The following BNC2 variants were observed in gnomAD, a reference collection of about 807,000 sequenced individuals.
The protein encoded by BNC2 is basonuclin zinc finger protein 2, also known as zinc finger protein basonuclin-2.
Under a neutral mutation model 76.3 loss-of-function variants are expected in BNC2, and 20 were observed. The ratio of observed to expected loss-of-function variants is 0.26; its 90% CI spans 0.18 to 0.38. The LOEUF is 0.38. Ranked by LOEUF, BNC2 falls within the 10% of genes least tolerant of loss-of-function variation. The pLI is 1.00. For missense variants in BNC2, 1,382 were observed against 1,399.8 expected (o/e 0.99, Z 0.20); for synonymous variants, 582 against 514.8 (o/e 1.13, Z -1.77).
At chr9:16,715,105 A>G (rs1823959745) in intron 3 of BNC2, among the ~76,000 whole-genome samples, 1 of 152,190 alleles carries the variant, frequency 6.6e-6, no homozygotes, top group Admixed American at 6.5e-5. Flanking sequence ...CTACCGCTTT[A>G]AGGTGAGACG....
At chr9:16,566,739 G>A (rs961152030) in intron 4 of BNC2, among the ~76,000 whole-genome samples, 1 of 152,062 alleles carries the variant, frequency 6.6e-6, no homozygotes, top group Non-Finnish European at 1.5e-5. Flanking sequence ...TATAGAAAAA[G>A]GTGTAGTATA....
At chr9:16,689,142 A>T (rs1260927033) in intron 3 of BNC2, among the ~76,000 whole-genome samples, 1 of 127,836 alleles carries the variant, frequency 7.8e-6, no homozygotes, top group Non-Finnish European at 1.6e-5. Flanking sequence ...ACATACACAC[A>T]CTCTTTGTTT....
At chr9:16,812,583 T>C (rs1005449329) in intron 1 of BNC2, among the ~76,000 whole-genome samples, 3 of 152,194 alleles carry the variant, frequency 2.0e-5, no homozygotes, top group African/African-American at 7.2e-5. Flanking sequence ...GGGGAAGTCA[T>C]TTTTGGAGTG....
At chr9:16,490,311 G>A (rs1284581460) in intron 5 of BNC2, among the ~76,000 whole-genome samples, 2 of 152,268 alleles carry the variant, frequency 1.3e-5, no homozygotes, top group East Asian at 3.9e-4. Context: ...GGAAACCCCT[G>A]ATAAACCCAT....
intron 3 of BNC2, 152 bp downstream of exon 3, chr9:16,727,645 T>C: frequency 1.5e-6 from 1 of 677,496 alleles, no homozygotes; most frequent in South Asian, 2.0e-5. Flanking sequence ...CACATTCCAG[T>C]AACACAGTTA....
chr9:16,632,376 G>T (rs1205418181), intron 3 of BNC2, among the ~76,000 whole-genome samples: 1 of 151,898 alleles, frequency 6.6e-6, no homozygotes, highest in African/African-American at 2.4e-5. Flanking sequence ...AAAAAAACTG[G>T]CATAGCCTTG....
intron 1 of BNC2, among the ~76,000 whole-genome samples, chr9:16,836,823 T>C (rs1399268711): frequency 6.6e-6 from 1 of 152,092 alleles, no homozygotes; most frequent in Non-Finnish European, 1.5e-5. Flanking sequence ...GAAAAATATA[T>C]AGGCAAATTA....
At chr9:16,770,501 C>G (rs1014764830) in intron 1 of BNC2, among the ~76,000 whole-genome samples, 1 of 152,122 alleles carries the variant, frequency 6.6e-6, no homozygotes, top group African/African-American at 2.4e-5. Flanking sequence ...CAAAATGACC[C>G]ATATGAATAC....
chr9:16,658,873 A>G (rs192738450), intron 3 of BNC2, among the ~76,000 whole-genome samples: 8 of 152,342 alleles, frequency 5.3e-5, no homozygotes, highest in Non-Finnish European at 1.0e-4. Context: ...CCCTCTAAAA[A>G]GCAATGGCTG....
chr9:16,436,988 G>T lies in BNC2; in HGVS notation c.1206C>A (p.Val402=). Residue 402 remains valine (V), a synonymous_variant, in exon 6 of 7, where the codon GTC becomes GTA. Transcript: ENST00000380672. ...NVEPKTEPAC[V]SPIQNSAPVS... is the part of the protein sequence containing the mutation. Reference sequence around the variant, plus strand: ...CTGGGGCAGAATTCTGAATGGGAGAGACACAGGCTGGCTCGGTTTTGGGCT... The same window carrying T: ...CTGGGGCAGAATTCTGAATGGGAGATACACAGGCTGGCTCGGTTTTGGGCT... The T allele has an allele frequency of 6.2e-7, 1 of 1,614,148 alleles. No individual in the cohort carries two copies. The highest frequency in any genetic ancestry group is 8.5e-7 in the Non-Finnish European group (1 of 1,180,030).
intron 3 of BNC2, among the ~76,000 whole-genome samples, chr9:16,656,652 C>T (rs1821938973): frequency 6.6e-6 from 1 of 152,082 alleles, no homozygotes; most frequent in African/African-American, 2.4e-5. Context: ...CCATGTGGAC[C>T]TTTAGGGTTT....
intron 3 of BNC2, among the ~76,000 whole-genome samples, chr9:16,681,205 C>G (rs573190470): frequency 2.7e-4 from 41 of 151,980 alleles, no homozygotes; most frequent in African/African-American, 7.7e-4. Flanking sequence ...TTCCATGGAC[C>G]GAAACTAAAA....
intron 5 of BNC2, among the ~76,000 whole-genome samples, chr9:16,524,507 G>T (rs1563824232): frequency 6.6e-6 from 1 of 151,854 alleles, no homozygotes; most frequent in African/African-American, 2.4e-5. Context: ...TTTTTGGGGG[G>T]TGATTTCTTA....
chr9:16,667,801 A>C (rs1822345602), intron 3 of BNC2, among the ~76,000 whole-genome samples: 1 of 152,116 alleles, frequency 6.6e-6, no homozygotes, highest in African/African-American at 2.4e-5. Flanking sequence ...GGATACAAGG[A>C]TATACAAAGA....
chr9:16,700,179 A>C (rs917753393), intron 3 of BNC2, among the ~76,000 whole-genome samples: 1 of 152,240 alleles, frequency 6.6e-6, no homozygotes, highest in Non-Finnish European at 1.5e-5. Flanking sequence ...ACTGTGACTT[A>C]GTTTTTTCAG....
chr9:16,562,376 T>G lies in BNC2; in HGVS notation c.434-9611A>C, dbSNP rs141016532. On this transcript the variant is annotated intron_variant, in intron 4 of 6. Coordinates refer to ENST00000380672, the MANE Select transcript of BNC2 (RefSeq NM_017637.6). ...AAAGCCCCTAAGCAAATGTAAGTGATGCCCACTCTTTTAATTTTAGTTTGA... is the reference window on the plus strand; with the variant it reads ...AAAGCCCCTAAGCAAATGTAAGTGAGGCCCACTCTTTTAATTTTAGTTTGA... Among the ~76,000 whole-genome samples the G allele has an allele frequency of 3.1e-4, 47 of 152,342 alleles. No homozygotes were observed. In the East Asian group the frequency reaches 8.3e-3, roughly 27 times the overall value.
At chr9:16,741,105 T>C (rs1824835246) in intron 1 of BNC2, among the ~76,000 whole-genome samples, 1 of 152,132 alleles carries the variant, frequency 6.6e-6, no homozygotes, top group Non-Finnish European at 1.5e-5. Context: ...TGGGGCTATC[T>C]GCTAAGGGAG....
At chr9:16,721,840 G>T (rs949051277) in intron 3 of BNC2, among the ~76,000 whole-genome samples, 1 of 152,118 alleles carries the variant, frequency 6.6e-6, no homozygotes, top group South Asian at 2.1e-4. Flanking sequence ...TTCCTAGATC[G>T]ATTCAAACAC....
intron 1 of BNC2, among the ~76,000 whole-genome samples, chr9:16,802,348 T>G (rs1817806165): frequency 6.6e-6 from 1 of 152,228 alleles, no homozygotes; most frequent in Admixed American, 6.5e-5. Context: ...TTTAGCTGCA[T>G]GTCAGTCCTA....
Sources: gnomAD v4.1 joint callset for allele counts (sites outside exome capture counted in the v4.1 genomes callset) on GRCh38, gnomAD v4.1.1 for gene constraint, MANE v1.5 for transcripts, NCBI Gene and HGNC (gene_info 2026-07-23, HGNC 2026-07-21) for gene names.